Variants in MKLN1 observed in about 807,000 individuals in gnomAD.
The protein encoded by MKLN1 is muskelin.
MKLN1 carries 18 observed loss-of-function variants against 99.0 expected under a neutral mutation model. The observed-to-expected ratio is 0.18, with a 90% CI of 0.13 to 0.27. MKLN1 has a LOEUF of 0.27. Among genes scored for constraint, MKLN1 ranks in the 10% least tolerant of loss-of-function variants. The pLI is 1.00. For missense variants in MKLN1, 621 were observed against 875.9 expected, an observed-to-expected ratio of 0.71 and a Z score of 3.67; for synonymous variants, 288 against 293.2, an observed-to-expected ratio of 0.98 and a Z score of 0.18.
At chr7:131,413,668 T>G (rs767618474) in intron 7 of MKLN1, among the ~76,000 whole-genome samples, 3 of 151,936 alleles carry the variant, frequency 2.0e-5, no homozygotes, top group Non-Finnish European at 4.4e-5. Flanking sequence ...GCCTCCTGAG[T>G]AGCTGGGATT....
At chr7:131,360,148 A>G (rs966911199) in intron 1 of MKLN1, among the ~76,000 whole-genome samples, 5 of 152,084 alleles carry the variant, frequency 3.3e-5, no homozygotes, top group Admixed American at 6.6e-5. Context: ...AAAGAATGGT[A>G]TGTCTTTTTC....
intron 3 of MKLN1, among the ~76,000 whole-genome samples, chr7:131,203,587 C>T (rs569834333): frequency 2.0e-5 from 3 of 152,276 alleles, no homozygotes; most frequent in Admixed American, 2.0e-4. Flanking sequence ...GAAAACGGAC[C>T]ATGTTGGAAA....
rs1460347086 is a variant in MKLN1 at position 131,487,705 on chromosome 7, C to G, written c.2185C>G (p.Leu729Val). 6.2e-7 allele frequency: 1 copy of G among 1,612,932 alleles called. No homozygotes were observed. Among genetic ancestry groups the G allele is most frequent in the African/African-American group, 1.3e-5 (1 of 74,860 alleles). The change falls in exon 18 of 18, where the codon CTG becomes GTG. Residue 729 changes from leucine (L) to valine (V), a missense_variant. By Grantham distance (32) the Leu-to-Val change is conservative. Transcript: ENST00000352689. This position sits in a 1 kb window ranked among gnomAD's most constrained non-coding sequence, Gnocchi z 4.7. Reference sequence around the variant, plus strand: ...CAGCATGACTCCTCCTAAAGGCAACCTGGTAGACCTCATCACACTGTAACT... The same window carrying G: ...CAGCATGACTCCTCCTAAAGGCAACGTGGTAGACCTCATCACACTGTAACT... Reference protein sequence around the residue: ...PDSMTPPKGNLVDLITL With the variant: ...PDSMTPPKGNVVDLITL
intron 10 of MKLN1, among the ~76,000 whole-genome samples, chr7:131,440,388 A>G (rs1795803468): frequency 6.6e-6 from 1 of 152,192 alleles, no homozygotes; most frequent in Non-Finnish European, 1.5e-5. Context: ...CAGTAGCAAC[A>G]GAGGAAGGAG....
intron 3 of MKLN1, among the ~76,000 whole-genome samples, chr7:131,215,129 C>G (rs1201347941): frequency 6.6e-6 from 1 of 152,222 alleles, no homozygotes; most frequent in Non-Finnish European, 1.5e-5. Flanking sequence ...TCACTGCAAC[C>G]TCCGCCTTCT....
chr7:131,187,569 T>A (rs1272858406), intron 2 of MKLN1, among the ~76,000 whole-genome samples: 2 of 152,184 alleles, frequency 1.3e-5, no homozygotes, highest in African/African-American at 4.8e-5. Flanking sequence ...GTTAGGTAGT[T>A]ATGACAGAGA....
At chr7:131,121,975 A>C (rs1795379498) in intron 1 of MKLN1, among the ~76,000 whole-genome samples, 1 of 152,234 alleles carries the variant, frequency 6.6e-6, no homozygotes, top group Admixed American at 6.5e-5. Context: ...GGGCCAAGGA[A>C]ACCAAGAGAA....
At chr7:131,245,351 T>C (rs2116502785) in intron 3 of MKLN1, among the ~76,000 whole-genome samples, 1 of 143,084 alleles carries the variant, frequency 7.0e-6, no homozygotes, top group Non-Finnish European at 1.5e-5. Flanking sequence ...CACTGCAACC[T>C]CTGTCTCCTA....
intron 15 of MKLN1, among the ~76,000 whole-genome samples, chr7:131,469,899 A>C (rs1371143088): frequency 6.8e-6 from 1 of 147,550 alleles, no homozygotes; most frequent in East Asian, 2.0e-4. Flanking sequence ...TTTTTGAGAC[A>C]GGATCTCGTT....
In MKLN1 at chr7:131,160,492, A is replaced by ATTATT. The variant is rs1343341791; in HGVS notation, c.-297+17551_-297+17552insTTATT. Among the ~76,000 whole-genome samples the ATTATT allele has an allele frequency of 2.2e-3, 311 of 138,972 alleles. 2 individuals are homozygous for ATTATT. Among genetic ancestry groups the ATTATT allele is most frequent in the Middle Eastern group, 3.6e-3 (1 of 274 alleles). 91.2% of individuals were successfully genotyped at this position (138,972 alleles called of 152,430 possible). On this transcript the variant is annotated intron_variant, in intron 2 of 7. Coordinates refer to the MKLN1 transcript ENST00000416992. The stretch of plus-strand genomic sequence containing the variant: ...TTTAACTTATTTTATTATTATTATT[A>ATTATT]ATTATTATTATTATTATTATTATTA...
chr7:131,268,897 G>A (rs1159018859), intron 3 of MKLN1, among the ~76,000 whole-genome samples: 5 of 152,054 alleles, frequency 3.3e-5, no homozygotes, highest in South Asian at 2.1e-4. Flanking sequence ...TTAATGTCTC[G>A]GTCAGTTTCT....
chr7:131,226,113 CTTG>C (rs1313881758), intron 3 of MKLN1, among the ~76,000 whole-genome samples: 2 of 151,300 alleles, frequency 1.3e-5, no homozygotes, highest in African/African-American at 2.4e-5. Flanking sequence ...TAAAACCTTC[CTTG>C]TTGTTCTTCC....
At chr7:131,187,574 CAG>C (rs546202291) in intron 2 of MKLN1, among the ~76,000 whole-genome samples, 72 of 152,308 alleles carry the variant, frequency 4.7e-4, no homozygotes, top group African/African-American at 1.5e-3. Flanking sequence ...GTAGTTATGA[CAG>C]AGACTATACA....
chr7:131,123,049 A>AAAAAAAT (rs1795400485), intron 1 of MKLN1, among the ~76,000 whole-genome samples: 1 of 150,268 alleles, frequency 6.7e-6, no homozygotes, highest in African/African-American at 2.4e-5. Context: ...AAAAAAAAAA[A>AAAAAAAT]GTGTTGCTGC....
chr7:131,275,178 G>T (rs1797941542), intron 3 of MKLN1, among the ~76,000 whole-genome samples: 1 of 151,900 alleles, frequency 6.6e-6, no homozygotes, highest in Admixed American at 6.6e-5. Flanking sequence ...TCAAGTTCTG[G>T]TAAGGGCATC....
At chr7:131,237,019 G>GA (rs752173885) in intron 3 of MKLN1, among the ~76,000 whole-genome samples, 8 of 152,156 alleles carry the variant, frequency 5.3e-5, no homozygotes, top group Non-Finnish European at 8.8e-5. Context: ...AAATGATGGA[G>GA]AAAACCACAG....
chr7:131,145,284 G>A lies in MKLN1; in HGVS notation c.-297+2343G>A, dbSNP rs187003141. 5.9e-5 allele frequency among the ~76,000 whole-genome samples: 9 copies of A among 152,164 alleles called. No individual in the cohort carries two copies. In the South Asian group the frequency reaches 6.2e-4, roughly 11 times the overall value. On this transcript the variant is annotated intron_variant, in intron 2 of 7. Transcript: ENST00000416992. ...CAATATAAAGTACTCAAAGATCCTC[G>A]AATTGTACAGGTACTGAGTGGGGGC...
chr7:131,275,557 ATATATATATATTTTTTTTTTTT>A (rs1333128811), intron 3 of MKLN1, among the ~76,000 whole-genome samples: 19 of 15,664 alleles, frequency 1.2e-3, no homozygotes, highest in African/African-American at 5.7e-3. Context: ...ATATATATAT[ATATATATATATTTTTTTTTTTT>A]TTTTTTTTTT....
At chr7:131,351,518 TG>T (rs1436174250) in intron 1 of MKLN1, among the ~76,000 whole-genome samples, 1 of 152,052 alleles carries the variant, frequency 6.6e-6, no homozygotes, top group East Asian at 1.9e-4. Flanking sequence ...TGGAGTGCAG[TG>T]GCACAATCAT....
Sources: gnomAD v4.1 joint callset for allele counts (sites outside exome capture counted in the v4.1 genomes callset) on GRCh38, gnomAD v4.1.1 for gene constraint, Gnocchi (gnomAD v3.1) non-coding constraint, MANE v1.5 for transcripts, NCBI Gene and HGNC (gene_info 2026-07-23, HGNC 2026-07-21) for gene names.